The following FSAF1 variants were observed in gnomAD, a reference collection of about 807,000 sequenced individuals.
FSAF1 encodes the protein uncharacterized protein C1orf131.
the FSAF1 span, chr1:231,239,044 G>A: frequency 1.9e-5 from 30 of 1,613,932 alleles, 1 homozygote; most frequent in South Asian, 5.5e-5. Context: ...GAAGAAGCTC[G>A]AAGCGCTCTT....
the FSAF1 span, chr1:231,224,653 C>G: frequency 2.1e-6 from 1 of 477,680 alleles, no homozygotes; most frequent in Admixed American, 3.8e-5. Context: ...TCCAGGCTGC[C>G]CCTCTTCTTT....
At chr1:231,241,137 C>T in the FSAF1 span, 1 of 1,610,318 alleles carries the variant, frequency 6.2e-7, no homozygotes, top group Non-Finnish European at 8.5e-7. Flanking sequence ...GGAATCAACC[C>T]TCATTCTGCC....
chr1:231,224,632 T>C, the FSAF1 span: 7 of 499,530 alleles, frequency 1.4e-5, no homozygotes, highest in South Asian at 2.6e-4. Flanking sequence ...AATGTTCTGC[T>C]ACCAGCTCTT....
At chr1:231,226,561 C>T in the FSAF1 span, 114 of 638,526 alleles carry the variant, frequency 1.8e-4, 1 homozygote, top group South Asian at 1.3e-3. Context: ...CATGTAAGTA[C>T]GCCAGATTAC....
chr1:231,238,881 C>A, the FSAF1 span: 2 of 1,613,152 alleles, frequency 1.2e-6, no homozygotes, highest in Admixed American at 1.7e-5. Context: ...TATGATCTGG[C>A]GTCAATTTTC....
At chr1:231,227,963 A>G in the FSAF1 span, among the ~76,000 whole-genome samples, 6 of 152,174 alleles carry the variant, frequency 3.9e-5, no homozygotes, top group African/African-American at 1.2e-4. Context: ...GCAGGATTCA[A>G]TGCAGAGCTC....
chr1:231,228,541 G>T, the FSAF1 span, among the ~76,000 whole-genome samples: 2 of 150,776 alleles, frequency 1.3e-5, no homozygotes, highest in Admixed American at 6.6e-5. Context: ...GGAGGCTGCA[G>T]TGAGCCAAGA....
chr1:231,230,377 G>A, the FSAF1 span, among the ~76,000 whole-genome samples: 1 of 152,178 alleles, frequency 6.6e-6, no homozygotes, highest in Non-Finnish European at 1.5e-5. Flanking sequence ...GGCCACTAGT[G>A]TAATGGGCTA....
chr1:231,226,601 C>T, the FSAF1 span: 7 of 792,158 alleles, frequency 8.8e-6, no homozygotes, highest in South Asian at 3.1e-5. Flanking sequence ...AGAGCTAACT[C>T]GAAGAAATGG....
chr1:231,240,253 T>C, the FSAF1 span, among the ~76,000 whole-genome samples: 1 of 152,264 alleles, frequency 6.6e-6, no homozygotes, highest in Non-Finnish European at 1.5e-5. The surrounding 1 kb of genome is among the most constrained non-coding windows in gnomAD (Gnocchi z 4.1). Flanking sequence ...TTTTAACTAT[T>C]ATTCCTACTG....
the FSAF1 span, chr1:231,238,484 T>A: frequency 5.6e-6 from 1 of 178,144 alleles, no homozygotes. Flanking sequence ...AGTCCTATTT[T>A]CATGACTGGC....
chr1:231,239,222 T>C, the FSAF1 span: 5 of 1,499,744 alleles, frequency 3.3e-6, no homozygotes, highest in Admixed American at 2.2e-5. Context: ...AAAATAAATA[T>C]TTTCAGTCTT....
At chr1:231,234,325 G>A in the FSAF1 span, among the ~76,000 whole-genome samples, 8 of 152,340 alleles carry the variant, frequency 5.3e-5, no homozygotes, top group African/African-American at 1.7e-4. This position sits in a 1 kb window ranked among gnomAD's most constrained non-coding sequence, Gnocchi z 4.0. Context: ...ATGGCCCAAT[G>A]CTAGCTGTGG....
chr1:231,238,494 C>A, the FSAF1 span: 1 of 178,862 alleles, frequency 5.6e-6, no homozygotes, highest in African/African-American at 2.4e-5. Context: ...TCATGACTGG[C>A]AGTTGGCTGC....
At chr1:231,230,072 C>T in the FSAF1 span, among the ~76,000 whole-genome samples, 1,647 of 152,120 alleles carry the variant, frequency 0.011, 11 homozygotes, top group African/African-American at 0.012. Flanking sequence ...CCCAGATGGC[C>T]AACTGTCAAA....
chr1:231,224,388 CTGG>C, the FSAF1 span: 1 of 1,610,258 alleles, frequency 6.2e-7, no homozygotes, highest in Non-Finnish European at 8.5e-7. Context: ...TGACAAAATA[CTGG>C]GAGCGGACTT....
the FSAF1 span, chr1:231,226,928 T>C: frequency 6.2e-7 from 1 of 1,611,454 alleles, no homozygotes; most frequent in Non-Finnish European, 8.5e-7. Context: ...GCTCTTGCTT[T>C]TTTTGCATGT....
the FSAF1 span, among the ~76,000 whole-genome samples, chr1:231,233,859 A>C: frequency 6.6e-6 from 1 of 152,348 alleles, no homozygotes; most frequent in South Asian, 2.1e-4. Context: ...CCGAACAAAA[A>C]TGATTTTTAA....
the FSAF1 span, among the ~76,000 whole-genome samples, chr1:231,227,384 G>A: frequency 3.3e-5 from 5 of 152,064 alleles, no homozygotes. Context: ...GTGATCTCCT[G>A]CCTCAGCCTC....
Sources: gnomAD v4.1 joint callset for allele counts (sites outside exome capture counted in the v4.1 genomes callset) on GRCh38, gnomAD v4.1.1 for gene constraint, Gnocchi (gnomAD v3.1) non-coding constraint, MANE v1.5 for transcripts, NCBI Gene and HGNC (gene_info 2026-07-23, HGNC 2026-07-21) for gene names.